Variants in MASP1 observed in about 807,000 individuals in gnomAD.
The protein encoded by MASP1 is mannan-binding lectin serine protease 1.
In MASP1, 59 loss-of-function variants were observed where a neutral mutation model predicts 77.1. That is an observed-to-expected ratio of 0.77 (90% CI 0.62 to 0.95). The LOEUF (loss-of-function observed/expected upper bound fraction) is 0.95, where lower values mean the gene tolerates loss of function less well. Ranked by LOEUF, MASP1 falls within the 40% of genes least tolerant of loss-of-function variation. The pLI is 0.00. For synonymous variants in MASP1, 362 were observed against 354.5 expected (o/e 1.02, Z -0.24); for missense variants, 885 against 912.9 (o/e 0.97, Z 0.39).
At chr3:187,282,962 A>T (rs1717555987) in intron 2 of MASP1, among the ~76,000 whole-genome samples, 1 of 152,316 alleles carries the variant, frequency 6.6e-6, no homozygotes, top group South Asian at 2.1e-4. Flanking sequence ...CCTCAAGTAG[A>T]CTACTTCTCT....
At chr3:187,252,221 A>C (rs1439891743) in intron 6 of MASP1, among the ~76,000 whole-genome samples, 2 of 152,140 alleles carry the variant, frequency 1.3e-5, no homozygotes, top group Admixed American at 1.3e-4. Flanking sequence ...CAGGGAGCTC[A>C]ATGCCTCCCT....
intron 13 of MASP1, among the ~76,000 whole-genome samples, chr3:187,224,611 G>T (rs1240639053): frequency 6.6e-6 from 1 of 152,034 alleles, no homozygotes; most frequent in Non-Finnish European, 1.5e-5. Flanking sequence ...CTCCCAAAGT[G>T]CTGGGATTAC....
At chr3:187,254,235 T>G (rs1714876573) in intron 5 of MASP1, among the ~76,000 whole-genome samples, 1 of 152,242 alleles carries the variant, frequency 6.6e-6, no homozygotes, top group African/African-American at 2.4e-5. Flanking sequence ...TGTTTATAAT[T>G]GATGTAAAAT....
intron 2 of MASP1, among the ~76,000 whole-genome samples, chr3:187,270,115 G>T (rs1017397687): frequency 2.4e-4 from 37 of 152,186 alleles, no homozygotes; most frequent in Non-Finnish European, 1.6e-4. Flanking sequence ...ACTGCTCATT[G>T]ATTGGCCTAA....
intron 11 of MASP1, among the ~76,000 whole-genome samples, chr3:187,227,643 G>T (rs148154622): frequency 2.0e-5 from 3 of 152,286 alleles, no homozygotes; most frequent in Non-Finnish European, 4.4e-5. Flanking sequence ...GTGCTCCTGG[G>T]TCCTGGCCAG....
At chr3:187,240,529 G>A (rs940218522) in intron 10 of MASP1, among the ~76,000 whole-genome samples, 3 of 152,044 alleles carry the variant, frequency 2.0e-5, no homozygotes, top group African/African-American at 7.2e-5. Context: ...TTAACTTTTT[G>A]TGGATTATTT....
At chr3:187,260,544 T>C (rs1054838796) in intron 4 of MASP1, among the ~76,000 whole-genome samples, 197 bp downstream of exon 4, 1 of 152,212 alleles carries the variant, frequency 6.6e-6, no homozygotes, top group Non-Finnish European at 1.5e-5. Flanking sequence ...CTAGAGCTTC[T>C]CTCCTTTGGG....
rs551710001 is a variant in MASP1 at position 187,224,400 on chromosome 3, G to A, written c.1741+924C>T. 7.0e-5 allele frequency among the ~76,000 whole-genome samples: 10 copies of A among 143,796 alleles called. No individual in the cohort carries two copies. In the South Asian group the frequency reaches 9.1e-4, roughly 13 times the overall value. 94.3% of individuals were successfully genotyped at this position (143,796 alleles called of 152,430 possible). On this transcript the variant is annotated intron_variant, in intron 13 of 15. Coordinates refer to the MASP1 transcript ENST00000337774. ...CTCGCTCTGTCGCCCAGGCTGGAGT[G>A]CAGTGGCGGGATCTCGGCTCACTGC...
chr3:187,257,933 A>G (rs1715235037), intron 4 of MASP1, among the ~76,000 whole-genome samples: 2 of 152,132 alleles, frequency 1.3e-5, no homozygotes, highest in African/African-American at 4.8e-5. Flanking sequence ...TGCAGTTTGG[A>G]CACAACAACT....
downstream of MASP1, among the ~76,000 whole-genome samples, chr3:187,233,689 G>A (rs938247583): frequency 1.3e-5 from 2 of 152,194 alleles, no homozygotes; most frequent in South Asian, 4.1e-4. Context: ...TCAGCGTGTG[G>A]CACCACGGGT....
At chr3:187,267,520 C>G (rs1339246775) in intron 2 of MASP1, among the ~76,000 whole-genome samples, 1 of 152,234 alleles carries the variant, frequency 6.6e-6, no homozygotes, top group Non-Finnish European at 1.5e-5. Flanking sequence ...TCACTGAAGG[C>G]TGTTTTGTAA....
At chr3:187,221,235 A>C in intron 14 of MASP1, 1 of 769,746 alleles carries the variant, frequency 1.3e-6, no homozygotes, top group Non-Finnish European at 2.3e-6. Flanking sequence ...ACCTGGACGG[A>C]CCTGTGTCTA....
At chr3:187,265,557 T>C (rs551345610) in intron 2 of MASP1, among the ~76,000 whole-genome samples, 1 of 152,298 alleles carries the variant, frequency 6.6e-6, no homozygotes, top group South Asian at 2.1e-4. Context: ...GCCAGTAGCC[T>C]GGGGCCCTGG....
chr3:187,276,119 C>G (rs1716948351), intron 2 of MASP1, among the ~76,000 whole-genome samples: 1 of 121,456 alleles, frequency 8.2e-6, no homozygotes, highest in Admixed American at 9.0e-5. Flanking sequence ...GGGTAGCCCC[C>G]CCAACAAGAA....
intron 10 of MASP1, among the ~76,000 whole-genome samples, chr3:187,238,544 T>C (rs559446675): frequency 2.0e-5 from 3 of 152,294 alleles, no homozygotes; most frequent in East Asian, 1.9e-4. Flanking sequence ...ATGTTATAGC[T>C]TTGGCTATGC....
rs1037431719 is a variant in MASP1 at position 187,251,473 on chromosome 3, A to G, written c.1011+161T>C. The stretch of plus-strand genomic sequence containing the variant: ...CAGAGTGTGAGACCGCCTGGGACGC[A>G]TGCTTTGGAATTTCTGGAGCATTTG... On this transcript the variant is annotated intron_variant, in intron 7 of 10. Coordinates refer to ENST00000296280, the MANE Select transcript of MASP1 (RefSeq NM_139125.4). The G allele has an allele frequency of 5.0e-5, 34 of 685,912 alleles. No individual in the cohort carries two copies. The Middle Eastern group carries it at 1.2e-3, about 24-fold the overall frequency. The allele number at this position is 685,912 out of a possible 1,614,324, so 42.5% of individuals were successfully genotyped here.
chr3:187,276,650 T>G (rs1716992692), intron 2 of MASP1: 2 of 152,262 alleles, frequency 1.3e-5, no homozygotes, highest in Admixed American at 1.3e-4. Context: ...CCCTGAAGCC[T>G]GTGCTGTTTG....
At chr3:187,247,336 C>T (rs770205113) in intron 8 of MASP1, 9 of 1,613,920 alleles carry the variant, frequency 5.6e-6, no homozygotes, top group Non-Finnish European at 7.6e-6. Context: ...CCGTCATTCA[C>T]TCTGTCACTT....
chr3:187,227,590 G>A (rs930265987), intron 11 of MASP1, among the ~76,000 whole-genome samples: 2 of 152,210 alleles, frequency 1.3e-5, no homozygotes, highest in Non-Finnish European at 2.9e-5. Flanking sequence ...CTTAGTCTCA[G>A]AGCAGGTTCC....
Sources: allele counts gnomAD v4.1 joint callset (sites outside exome capture counted in the v4.1 genomes callset), GRCh38; gene constraint gnomAD v4.1.1; transcripts MANE v1.5; gene names NCBI Gene and HGNC (gene_info 2026-07-23, HGNC 2026-07-21).